The following KCNH5 variants were observed in gnomAD, a reference collection of about 807,000 sequenced individuals.
The protein encoded by KCNH5 is voltage-gated delayed rectifier potassium channel KCNH5.
In KCNH5, 46 loss-of-function variants were observed where a neutral mutation model predicts 96.1. The observed-to-expected ratio is 0.48, with a 90% CI of 0.38 to 0.61. The LOEUF is 0.61. KCNH5 is among the 20% of genes least tolerant of loss of function. The pLI, the probability that KCNH5 is intolerant of heterozygous loss-of-function variation, is 0.00. For synonymous variants in KCNH5, 439 were observed against 449.8 expected (o/e 0.98, Z 0.30); for missense variants, 907 against 1,225.8 (o/e 0.74, Z 3.88).
chr14:62,967,360 G>A (rs1399122665), intron 6 of KCNH5, among the ~76,000 whole-genome samples: 1 of 151,920 alleles, frequency 6.6e-6, no homozygotes, highest in Non-Finnish European at 1.5e-5. Context: ...GAGATTACAG[G>A]CATTAGCCAC....
intron 7 of KCNH5, among the ~76,000 whole-genome samples, chr14:62,858,454 G>A (rs1190102783): frequency 1.3e-5 from 2 of 152,198 alleles, no homozygotes; most frequent in Admixed American, 1.3e-4. Flanking sequence ...CCACTAGGGA[G>A]TAGTAAACTA....
intron 10 of KCNH5, among the ~76,000 whole-genome samples, chr14:62,712,890 A>T: frequency 6.6e-6 from 1 of 152,166 alleles, no homozygotes; most frequent in East Asian, 1.9e-4. Context: ...CCCTTCAAGG[A>T]CACCTTGTGT....
At chr14:62,983,680 C>T (rs1191293540) in intron 5 of KCNH5, among the ~76,000 whole-genome samples, 1 of 152,208 alleles carries the variant, frequency 6.6e-6, no homozygotes, top group East Asian at 1.9e-4. Context: ...AGTCTTAAAC[C>T]TGGCTATATA....
At chr14:62,955,850 C>T (rs1342131199) in intron 6 of KCNH5, among the ~76,000 whole-genome samples, 1 of 152,156 alleles carries the variant, frequency 6.6e-6, no homozygotes, top group Non-Finnish European at 1.5e-5. Flanking sequence ...TTCCTACCTT[C>T]ATTGTTCACA....
At chr14:62,965,778 G>T (rs1293829890) in intron 6 of KCNH5, among the ~76,000 whole-genome samples, 2 of 152,092 alleles carry the variant, frequency 1.3e-5, no homozygotes, top group Non-Finnish European at 2.9e-5. Context: ...GCAGGCTTCT[G>T]TACATGGATA....
intron 6 of KCNH5, among the ~76,000 whole-genome samples, chr14:62,959,733 A>G (rs1413373989): frequency 6.6e-6 from 1 of 152,032 alleles, no homozygotes; most frequent in East Asian, 1.9e-4. Context: ...AGTTTCCATT[A>G]TTTTTAAATA....
Position 62,823,974 on chromosome 14 carries a change from G to A in KCNH5, c.1570-21393C>T, listed in dbSNP as rs908354206. Reference sequence around the variant, plus strand: ...CAGCAAACGAATCTTTCTATGCAGAGCAACTATAAACCTTGATAAAACACA... The same window carrying A: ...CAGCAAACGAATCTTTCTATGCAGAACAACTATAAACCTTGATAAAACACA... On this transcript the variant is annotated intron_variant, in intron 8 of 10. Coordinates refer to ENST00000322893, the MANE Select transcript of KCNH5 (RefSeq NM_139318.5). Among the ~76,000 whole-genome samples the A allele has an allele frequency of 2.8e-4, 42 of 151,420 alleles. 1 individual carries two copies. Among genetic ancestry groups the A allele is most frequent in the Non-Finnish European group, 1.0e-4 (7 of 67,854 alleles).
intron 7 of KCNH5, among the ~76,000 whole-genome samples, chr14:62,906,179 T>C (rs1206056537): frequency 6.6e-6 from 1 of 152,190 alleles, no homozygotes; most frequent in African/African-American, 2.4e-5. Context: ...TAGGCTTTGG[T>C]TAGGAAAGAT....
At chr14:62,801,356 T>G (rs1221066084) in intron 9 of KCNH5, among the ~76,000 whole-genome samples, 1 of 141,708 alleles carries the variant, frequency 7.1e-6, no homozygotes, top group African/African-American at 2.6e-5. Flanking sequence ...CATCCTGCAA[T>G]TCTAACTTAT....
intron 7 of KCNH5, among the ~76,000 whole-genome samples, chr14:62,894,431 C>A (rs1888771522): frequency 6.6e-6 from 1 of 152,162 alleles, no homozygotes; most frequent in African/African-American, 2.4e-5. Flanking sequence ...TAAGTGTTTT[C>A]TTTTATTTTG....
At position 63,007,980 on chromosome 14, in the gene KCNH5, TTC is replaced by T. The variant is rs546370614; in HGVS notation, c.198-1510_198-1509del. 2.0e-3 allele frequency among the ~76,000 whole-genome samples: 299 copies of T among 152,256 alleles called. 3 individuals are homozygous for T. The highest frequency in any genetic ancestry group is 7.1e-3 in the African/African-American group (293 of 41,544). The stretch of plus-strand genomic sequence containing the variant: ...AGAACTACATGTCTCTAAAACTCCA[TTC>T]TCAATGCTTTCAAATCATCAGTTGT... On this transcript the variant is annotated intron_variant, in intron 2 of 10. Coordinates refer to ENST00000322893, the MANE Select transcript of KCNH5 (RefSeq NM_139318.5).
At chr14:63,036,733 T>G (rs949373506) in intron 1 of KCNH5, among the ~76,000 whole-genome samples, 3 of 151,996 alleles carry the variant, frequency 2.0e-5, no homozygotes, top group Admixed American at 1.3e-4. Context: ...GTGGGACTAC[T>G]CAACTCATTC....
chr14:62,884,991 C>CA (rs1888568106), intron 7 of KCNH5, among the ~76,000 whole-genome samples: 1 of 152,004 alleles, frequency 6.6e-6, no homozygotes, highest in Non-Finnish European at 1.5e-5. Context: ...TGCCAGTGTA[C>CA]AAAAAACAAC....
At chr14:62,865,638 A>T (rs1888120438) in intron 7 of KCNH5, among the ~76,000 whole-genome samples, 1 of 152,200 alleles carries the variant, frequency 6.6e-6, no homozygotes. Flanking sequence ...CTGCATATTC[A>T]GTCTGTACTC....
At chr14:62,972,787 A>G (rs976066857) in intron 6 of KCNH5, among the ~76,000 whole-genome samples, 18 of 152,252 alleles carry the variant, frequency 1.2e-4, no homozygotes, top group Admixed American at 9.8e-4. Flanking sequence ...GATTCTAACT[A>G]TATGACACTT....
chr14:63,003,490 T>C (rs1338873560), intron 3 of KCNH5, among the ~76,000 whole-genome samples: 1 of 126,688 alleles, frequency 7.9e-6, no homozygotes, highest in African/African-American at 3.2e-5. Context: ...ATTTTATATA[T>C]ATTATATATA....
At chr14:63,001,306 G>A (rs749721980) in intron 4 of KCNH5, 25 bp downstream of exon 4, 2 of 1,576,646 alleles carry the variant, frequency 1.3e-6, no homozygotes, top group Non-Finnish European at 1.7e-6. Context: ...TAATTTTTCA[G>A]TGTAGTAATT....
At chr14:62,735,612 C>T (rs370197781) in intron 10 of KCNH5, among the ~76,000 whole-genome samples, 3 of 152,212 alleles carry the variant, frequency 2.0e-5, no homozygotes, top group Admixed American at 1.3e-4. Context: ...AAAATACATC[C>T]ACAATCCATC....
intron 10 of KCNH5, among the ~76,000 whole-genome samples, chr14:62,724,283 T>A (rs1322394291): frequency 1.3e-5 from 2 of 152,226 alleles, no homozygotes; most frequent in East Asian, 3.9e-4. Context: ...GTTCCAGTAC[T>A]AGCCAGGATT....
Sources: gnomAD v4.1 joint callset for allele counts (sites outside exome capture counted in the v4.1 genomes callset) on GRCh38, gnomAD v4.1.1 for gene constraint, MANE v1.5 for transcripts, NCBI Gene and HGNC (gene_info 2026-07-23, HGNC 2026-07-21) for gene names.